B4GALNT2: variants seen among roughly 807,000 people sequenced by gnomAD.
B4GALNT2 encodes the protein beta-1,4-N-acetyl-galactosaminyltransferase 2 (SID blood group), also known as N-acetylneuraminylgalactosylglucosyl-glucoside beta-1,4-N- acetylgalactosaminyltransferase 2.
A neutral mutation model predicts 51.1 loss-of-function variants in B4GALNT2; 42 were observed. The ratio of observed to expected loss-of-function variants is 0.82; its 90% CI spans 0.64 to 1.06. B4GALNT2 has a LOEUF of 1.06. Ranked by LOEUF, B4GALNT2 falls within the 50% of genes least tolerant of loss-of-function variation. The pLI, the probability that B4GALNT2 is intolerant of heterozygous loss-of-function variation, is 0.00. For missense variants in B4GALNT2, 602 were observed against 633.6 expected (o/e 0.95, Z 0.54); for synonymous variants, 253 against 251.7 (o/e 1.01, Z -0.05).
chr17:49,135,820 T>C (rs1379935360), intron 1 of B4GALNT2, among the ~76,000 whole-genome samples: 2 of 151,448 alleles, frequency 1.3e-5, no homozygotes, highest in East Asian at 4.0e-4. Flanking sequence ...TCCCAGCATT[T>C]TGGGAGGCCG....
intron 1 of B4GALNT2, among the ~76,000 whole-genome samples, chr17:49,138,742 T>C (rs1254867096): frequency 6.6e-6 from 1 of 151,858 alleles, no homozygotes; most frequent in African/African-American, 2.4e-5. Context: ...CCGGGTGTGG[T>C]GGTGGGCGCC....
At chr17:49,141,071 C>T (rs2042639379) in intron 1 of B4GALNT2, among the ~76,000 whole-genome samples, 176 bp from the exon 2 acceptor site, 1 of 150,020 alleles carries the variant, frequency 6.7e-6, no homozygotes, top group African/African-American at 2.5e-5. Context: ...TGTAATTTTT[C>T]TAAGTCCCTT....
Position 49,173,855 on chromosome 17 carries a change from T to C in B4GALNT2, c.*4127T>C, listed in dbSNP as rs572755028. 35 of 129,874 alleles carry C rather than the reference T, an allele frequency of 2.7e-4. No individual in the cohort carries two copies. The highest frequency in any genetic ancestry group is 9.4e-4 in the African/African-American group (34 of 36,102). 8.0% of individuals were successfully genotyped at this position (129,874 alleles called of 1,614,324 possible). On this transcript the variant is annotated 3_prime_UTR_variant, in exon 11 of 11. Coordinates refer to ENST00000393354, the MANE Select transcript of B4GALNT2 (RefSeq NM_001159387.2). ...TCTAGAGTCTTTTCTGGATCTATTA[T>C]ATTTATTTGAGCTTTATGGACTTGC...
At chr17:49,133,199 CG>C in intron 1 of B4GALNT2, 1 of 1,499,222 alleles carries the variant, frequency 6.7e-7, no homozygotes, top group Non-Finnish European at 8.9e-7. Context: ...TTGCTGCCCA[CG>C]GGAGGAGCCG....
intron 6 of B4GALNT2, 75 bp downstream of exon 6, chr17:49,159,292 C>G: frequency 7.0e-7 from 1 of 1,422,746 alleles, no homozygotes; most frequent in South Asian, 1.3e-5. Flanking sequence ...AAGTCTTCCT[C>G]CTTCAGGAAG....
chr17:49,147,415 C>T (rs140310541), intron 3 of B4GALNT2, among the ~76,000 whole-genome samples: 3,609 of 148,682 alleles, frequency 0.024, 67 homozygotes, highest in Non-Finnish European at 0.036. Flanking sequence ...GGCTCTGCTG[C>T]CCAGGCTGGA....
In B4GALNT2 at chr17:49,168,827, C is replaced by A. The variant is rs1052588297; in HGVS notation, c.1242C>A (p.Asn414Lys). 8 of 1,613,718 alleles carry A rather than the reference C, an allele frequency of 5.0e-6. No homozygotes were observed. The highest frequency in any genetic ancestry group is 1.3e-5 in the African/African-American group (1 of 74,914). ...PSCVVTSGVV[N>K]FFLAHTERLQ... ...GCGTGGTGACCAGTGGCGTGGTCAA[C>A]TTCTTCCTGGCCCACACGGAGCGAC... Residue 414 changes from asparagine (N) to lysine (K), a missense_variant, in exon 10 of 11, where the codon AAC becomes AAA. Transcript: ENST00000393354.
chr17:49,140,293 G>T (rs913261871), intron 1 of B4GALNT2, among the ~76,000 whole-genome samples: 9 of 151,872 alleles, frequency 5.9e-5, no homozygotes, highest in Non-Finnish European at 1.2e-4. Flanking sequence ...GTAGAGATGG[G>T]GTTTCACCAT....
intron 7 of B4GALNT2, among the ~76,000 whole-genome samples, 181 bp downstream of exon 7, chr17:49,160,822 T>C (rs1478877040): frequency 6.6e-6 from 1 of 152,154 alleles, no homozygotes; most frequent in Non-Finnish European, 1.5e-5. Flanking sequence ...ATTGCTTAAT[T>C]ATATTTAACT....
At chr17:49,133,465 A>G (rs1007734821) in intron 1 of B4GALNT2, among the ~76,000 whole-genome samples, 4 of 152,220 alleles carry the variant, frequency 2.6e-5, no homozygotes, top group African/African-American at 7.2e-5. Flanking sequence ...AGCTACGAAG[A>G]AGGATCAGAC....
At chr17:49,121,534 T>C in the B4GALNT2 span, among the ~76,000 whole-genome samples, 1 of 152,130 alleles carries the variant, frequency 6.6e-6, no homozygotes. Context: ...AAAGAGTTTG[T>C]CCTTTGGCCC....
At chr17:49,161,496 C>G (rs905778013) in intron 7 of B4GALNT2, among the ~76,000 whole-genome samples, 2 of 151,338 alleles carry the variant, frequency 1.3e-5, no homozygotes, top group Non-Finnish European at 2.9e-5. Context: ...CCTGGGAGGT[C>G]AAAGCTGCAG....
chr17:49,158,915 G>C (rs1043373393), intron 5 of B4GALNT2, 122 bp from the exon 6 acceptor site: 61 of 1,165,366 alleles, frequency 5.2e-5, no homozygotes, highest in Non-Finnish European at 7.5e-5. Flanking sequence ...AGGGCACCCT[G>C]GTGCTTCTCC....
In B4GALNT2 at chr17:49,170,879, G is replaced by T. The variant is rs1490923674; in HGVS notation, c.*1151G>T. On this transcript the variant is annotated 3_prime_UTR_variant, in exon 11 of 11. Coordinates refer to ENST00000393354, the MANE Select transcript of B4GALNT2 (RefSeq NM_001159387.2). ...ATTCCTTACAGGAAACAAAGGGATG[G>T]GCCGAAACAAAGGGATGGGCTCTGG... 1.3e-5 allele frequency: 2 copies of T among 152,350 alleles called. No individual in the cohort carries two copies. Among genetic ancestry groups the T allele is most frequent in the Non-Finnish European group, 1.5e-5 (1 of 68,166 alleles). 9.4% of individuals were successfully genotyped at this position (152,350 alleles called of 1,614,324 possible). A position where few individuals can be genotyped will look rare whatever the true frequency, so the allele number is the denominator to read the frequency against.
the B4GALNT2 span, among the ~76,000 whole-genome samples, chr17:49,125,307 G>T: frequency 6.6e-6 from 1 of 152,054 alleles, no homozygotes; most frequent in Non-Finnish European, 1.5e-5. Context: ...TTACAGGCGA[G>T]CGCCACCATT....
chr17:49,133,182 G>T, intron 1 of B4GALNT2: 1 of 1,512,822 alleles, frequency 6.6e-7, no homozygotes. Context: ...CCCAGCCTGG[G>T]GCCCGTTTGC....
Position 49,176,630 on chromosome 17 carries a change from G to C in B4GALNT2, c.*6902G>C, listed in dbSNP as rs1489623602. 6.6e-6 allele frequency: 1 copy of C among 152,150 alleles called. No homozygotes were observed. The highest frequency in any genetic ancestry group is 1.9e-4 in the East Asian group (1 of 5,184). 9.4% of individuals were successfully genotyped at this position (152,150 alleles called of 1,614,324 possible). A position where few individuals can be genotyped will look rare whatever the true frequency, so the allele number is the denominator to read the frequency against. ...TCATGGCCATCATGAACATGTCACA[G>C]TGCTGCAGAGATTTTATTTATGGCC... On this transcript the variant is annotated 3_prime_UTR_variant, in exon 11 of 11. Transcript: ENST00000393354.
intron 7 of B4GALNT2, among the ~76,000 whole-genome samples, chr17:49,162,508 T>C (rs747308490): frequency 1.9e-4 from 29 of 152,308 alleles, no homozygotes; most frequent in Non-Finnish European, 3.7e-4. Flanking sequence ...ACATTTTAAA[T>C]GTGTATATCC....
Position 49,141,981 on chromosome 17 carries a change from C to T in B4GALNT2, c.216-54C>T. The stretch of plus-strand genomic sequence containing the variant: ...CTGGATTAGGACTCCGGTTTCCTCT[C>T]ACCCACCAGCCTACCCACCCAATCC... On this transcript the variant is annotated intron_variant, in intron 2 of 10. Coordinates refer to ENST00000393354, the MANE Select transcript of B4GALNT2 (RefSeq NM_001159387.2). The T allele has an allele frequency of 5.6e-6, 9 of 1,606,478 alleles. No individual in the cohort carries two copies. In the South Asian group the frequency reaches 9.9e-5, roughly 18 times the overall value.
Sources: allele counts gnomAD v4.1 joint callset (sites outside exome capture counted in the v4.1 genomes callset), GRCh38; gene constraint gnomAD v4.1.1; transcripts MANE v1.5; gene names NCBI Gene and HGNC (gene_info 2026-07-23, HGNC 2026-07-21).